The following MAP3K7 variants were observed in gnomAD, a reference collection of about 807,000 sequenced individuals.
The protein encoded by MAP3K7 is mitogen-activated protein kinase kinase kinase 7.
Under a neutral mutation model 84.8 loss-of-function variants are expected in MAP3K7, and 21 were observed. The ratio of observed to expected loss-of-function variants is 0.25; its 90% CI spans 0.18 to 0.36. The LOEUF (loss-of-function observed/expected upper bound fraction) is 0.36. Ranked by LOEUF, MAP3K7 falls within the 10% of genes least tolerant of loss-of-function variation. The pLI, the probability that MAP3K7 is intolerant of heterozygous loss-of-function variation, is 1.00. For missense variants in MAP3K7, 503 were observed against 747.7 expected, an observed-to-expected ratio of 0.67 and a Z score of 3.82; for synonymous variants, 241 against 247.7, an observed-to-expected ratio of 0.97 and a Z score of 0.25.
intron 7 of MAP3K7, 81 bp from the exon 8 acceptor site, chr6:90,552,260 G>A (rs537396388): frequency 7.7e-7 from 1 of 1,300,324 alleles, no homozygotes; most frequent in East Asian, 2.4e-5. Flanking sequence ...TATTTCCAAA[G>A]TGGTATTTAT....
Position 90,586,746 on chromosome 6 carries a change from A to C in MAP3K7, c.120+18T>G. 1 of 1,569,232 alleles carries C rather than the reference A, an allele frequency of 6.4e-7. No homozygotes were observed. The highest frequency in any genetic ancestry group is 8.6e-7 in the Non-Finnish European group (1 of 1,157,030). The stretch of plus-strand genomic sequence containing the variant: ...GGGGCAGGCCGGGACCGGCGTCTCC[A>C]TGCCGGGCCTCGCTCACCTCTTCCA... On this transcript the variant is annotated intron_variant, in intron 1 of 16. Transcript: ENST00000369329.
intron 6 of MAP3K7, among the ~76,000 whole-genome samples, chr6:90,554,174 T>A (rs954279330): frequency 3.3e-5 from 5 of 152,182 alleles, no homozygotes; most frequent in Non-Finnish European, 7.4e-5. Flanking sequence ...CCCGAGGCGC[T>A]GGGATCACAG....
At chr6:90,550,446 C>T in intron 9 of MAP3K7, 22 bp downstream of exon 9, 1 of 1,505,870 alleles carries the variant, frequency 6.6e-7, no homozygotes, top group Non-Finnish European at 9.2e-7. Flanking sequence ...CAAGTCAATA[C>T]TCTTCCAATC....
chr6:90,516,264 G>A lies in MAP3K7; in HGVS notation c.*237C>T. 3 of 545,330 alleles carry A rather than the reference G, an allele frequency of 5.5e-6. No homozygotes were observed. Among genetic ancestry groups the A allele is most frequent in the South Asian group, 4.4e-5 (2 of 45,706 alleles). 33.8% of individuals were successfully genotyped at this position (545,330 alleles called of 1,614,324 possible). A position where few individuals can be genotyped will look rare whatever the true frequency, so the allele number is the denominator to read the frequency against. ...AGTTCACTGCATCTGTTTTGAAGTT[G>A]CAAAGTGCTGCTCATTCAAGTCACA... is the stretch of plus-strand genomic sequence containing the variant. On this transcript the variant is annotated 3_prime_UTR_variant, in exon 17 of 17. Transcript: ENST00000369329.
intron 5 of MAP3K7, among the ~76,000 whole-genome samples, chr6:90,557,899 A>T (rs951225107): frequency 1.3e-5 from 2 of 152,226 alleles, no homozygotes; most frequent in African/African-American, 4.8e-5. Flanking sequence ...CAAAAGATAA[A>T]ATACAAGCAC....
chr6:90,585,574 A>G (rs1777417888), intron 1 of MAP3K7, among the ~76,000 whole-genome samples: 1 of 149,976 alleles, frequency 6.7e-6, no homozygotes, highest in South Asian at 2.1e-4. Flanking sequence ...CAAAGTTTTT[A>G]ACAAGTTCTA....
At chr6:90,524,981 T>C (rs1775272530) in intron 13 of MAP3K7, among the ~76,000 whole-genome samples, 1 of 151,218 alleles carries the variant, frequency 6.6e-6, no homozygotes, top group Non-Finnish European at 1.5e-5. Context: ...AGAAAGAAAA[T>C]AATAAAATGA....
chr6:90,585,796 T>G (rs1777426033), intron 1 of MAP3K7, among the ~76,000 whole-genome samples: 1 of 152,230 alleles, frequency 6.6e-6, no homozygotes, highest in Admixed American at 6.5e-5. Context: ...ACCGAAATCA[T>G]TCGTTATCTC....
intron 12 of MAP3K7, chr6:90,542,468 A>G (rs1226485222): frequency 4.1e-6 from 4 of 985,130 alleles, no homozygotes; most frequent in South Asian, 4.7e-5. Flanking sequence ...ACCTGATTCC[A>G]TAAAGGCCCA....
intron 14 of MAP3K7, among the ~76,000 whole-genome samples, chr6:90,520,730 G>C (rs141833253): frequency 7.2e-5 from 11 of 152,092 alleles, no homozygotes; most frequent in Non-Finnish European, 1.3e-4. Flanking sequence ...GTGTTTTTCT[G>C]AAGTGGCTAA....
At chr6:90,518,269 TAGTC>T (rs1292366448) in intron 16 of MAP3K7, among the ~76,000 whole-genome samples, 174 bp downstream of exon 16, 1 of 151,766 alleles carries the variant, frequency 6.6e-6, no homozygotes, top group Non-Finnish European at 1.5e-5. Context: ...ACTAATATGA[TAGTC>T]AAAAGGATTG....
intron 13 of MAP3K7, among the ~76,000 whole-genome samples, chr6:90,531,789 C>T (rs187715261): frequency 1.3e-5 from 2 of 151,882 alleles, no homozygotes; most frequent in Admixed American, 1.3e-4. Flanking sequence ...CCTGCCTCCA[C>T]TAAAAATAAA....
intron 1 of MAP3K7, among the ~76,000 whole-genome samples, chr6:90,572,604 T>C (rs1776943583): frequency 6.6e-6 from 1 of 151,584 alleles, no homozygotes; most frequent in Admixed American, 6.6e-5. Flanking sequence ...TTTATGGTGG[T>C]GGCTGACAAC....
rs1446553397 is a variant in MAP3K7 at position 90,586,653 on chromosome 6, C to A, written c.120+111G>T. 2.8e-6 allele frequency: 4 copies of A among 1,428,160 alleles called. No homozygotes were observed. The Admixed American group carries it at 7.4e-5, about 26-fold the overall frequency. 88.5% of individuals were successfully genotyped at this position (1,428,160 alleles called of 1,614,324 possible). The stretch of plus-strand genomic sequence containing the variant: ...TGTGGGGTCTCCCGGGTGGACCCCG[C>A]AGGGTCCCGCGAATTAGAGGGGCCC... On this transcript the variant is annotated intron_variant, in intron 1 of 16. Transcript: ENST00000369329.
Position 90,515,199 on chromosome 6 carries a change from A to C in MAP3K7, c.*1302T>G, listed in dbSNP as rs1299018508. ...TCTTCATAAAACATTAATGCTATAA[A>C]AATCAGACTGATGACATCCTTATTT... On this transcript the variant is annotated 3_prime_UTR_variant, in exon 17 of 17. Coordinates refer to ENST00000369329, the MANE Select transcript of MAP3K7 (RefSeq NM_145331.3). 1 of 151,994 alleles carries C rather than the reference A, an allele frequency of 6.6e-6. No homozygotes were observed. The highest frequency in any genetic ancestry group is 2.4e-5 in the African/African-American group (1 of 41,438). The allele number at this position is 151,994 out of a possible 1,614,324, so 9.4% of individuals were successfully genotyped here. A position where few individuals can be genotyped will look rare whatever the true frequency, so the allele number is the denominator to read the frequency against.
intron 14 of MAP3K7, 151 bp downstream of exon 14, chr6:90,523,527 T>G (rs934995037): frequency 8.4e-6 from 4 of 475,698 alleles, no homozygotes; most frequent in Admixed American, 3.3e-5. Flanking sequence ...AAAATGGTAT[T>G]TTAACATGTA....
intron 1 of MAP3K7, among the ~76,000 whole-genome samples, chr6:90,574,479 T>G (rs1777008284): frequency 6.6e-6 from 1 of 152,216 alleles, no homozygotes; most frequent in Non-Finnish European, 1.5e-5. Context: ...TTCAACTTTG[T>G]GGCAACATTA....
chr6:90,513,677 G>C lies in MAP3K7; in HGVS notation c.*2824C>G, dbSNP rs1045954347. On this transcript the variant is annotated 3_prime_UTR_variant, in exon 17 of 17. Coordinates refer to ENST00000369329, the MANE Select transcript of MAP3K7 (RefSeq NM_145331.3). ...CAAGAATTTCTGCATTACATCATTT[G>C]ACATAAAATGTTCTGAATGACAGAA... The C allele has an allele frequency of 4.6e-5, 7 of 152,068 alleles. No individual in the cohort carries two copies. Among genetic ancestry groups the C allele is most frequent in the Admixed American group, 2.0e-4 (3 of 15,242 alleles). The allele number at this position is 152,068 out of a possible 1,614,324, so 9.4% of individuals were successfully genotyped here. A position where few individuals can be genotyped will look rare whatever the true frequency, so the allele number is the denominator to read the frequency against.
chr6:90,533,983 A>G (rs748415545), intron 13 of MAP3K7, among the ~76,000 whole-genome samples: 6 of 152,150 alleles, frequency 3.9e-5, no homozygotes, highest in African/African-American at 1.2e-4. Flanking sequence ...AATCTTTTAC[A>G]CCTATACTTA....
Sources: gnomAD v4.1 joint callset for allele counts (sites outside exome capture counted in the v4.1 genomes callset) on GRCh38, gnomAD v4.1.1 for gene constraint, MANE v1.5 for transcripts, NCBI Gene and HGNC (gene_info 2026-07-23, HGNC 2026-07-21) for gene names.